Variants in GSG1L observed in about 807,000 individuals in gnomAD.
GSG1L encodes germ cell-specific gene 1-like protein.
Under a neutral mutation model 42.1 loss-of-function variants are expected in GSG1L, and 24 were observed. That is an observed-to-expected ratio of 0.57 (90% CI 0.41 to 0.80). The LOEUF (loss-of-function observed/expected upper bound fraction) is 0.80, where lower values mean the gene tolerates loss of function less well. Ranked by LOEUF, GSG1L falls within the 30% of genes least tolerant of loss-of-function variation. The pLI, the probability that GSG1L is intolerant of heterozygous loss-of-function variation, is 0.00. For synonymous variants in GSG1L, 215 were observed against 203.5 expected (o/e 1.06, Z -0.48); for missense variants, 445 against 472.2 (o/e 0.94, Z 0.53).
At chr16:27,991,440 C>G (rs1175634603) in intron 1 of GSG1L, among the ~76,000 whole-genome samples, 1 of 151,250 alleles carries the variant, frequency 6.6e-6, no homozygotes, top group African/African-American at 2.4e-5. Flanking sequence ...GAGTCTCACT[C>G]TATTGCCCAG....
At chr16:27,856,425 C>A (rs531014651) in intron 3 of GSG1L, among the ~76,000 whole-genome samples, 5 of 152,178 alleles carry the variant, frequency 3.3e-5, no homozygotes, top group Non-Finnish European at 7.4e-5. Context: ...GCGAGCCCCC[C>A]ACCTCAGCCT....
intron 1 of GSG1L, among the ~76,000 whole-genome samples, chr16:28,039,964 C>T (rs779342513): frequency 2.0e-5 from 3 of 152,178 alleles, no homozygotes; most frequent in Non-Finnish European, 2.9e-5. Context: ...GCCCCTCCCT[C>T]GTTTTTCTCC....
At chr16:27,843,244 C>G (rs1215657681) in intron 4 of GSG1L, among the ~76,000 whole-genome samples, 1 of 152,158 alleles carries the variant, frequency 6.6e-6, no homozygotes, top group African/African-American at 2.4e-5. Context: ...GAAGAGACTT[C>G]CCCTACTTCT....
chr16:28,009,162 T>C (rs954551510), intron 1 of GSG1L, among the ~76,000 whole-genome samples: 5 of 152,144 alleles, frequency 3.3e-5, no homozygotes, highest in Non-Finnish European at 7.4e-5. Flanking sequence ...CCATATGAGA[T>C]GCCTGTTCTC....
At chr16:27,980,807 G>C (rs2085316741) in intron 1 of GSG1L, among the ~76,000 whole-genome samples, 1 of 151,818 alleles carries the variant, frequency 6.6e-6, no homozygotes, top group Non-Finnish European at 1.5e-5. Context: ...GCTTGAACCT[G>C]GGAGGCAGAG....
rs960873525 is a variant in GSG1L, at chr16:28,063,041, C to A, written c.349+35G>T. 5.8e-6 allele frequency: 8 copies of A among 1,371,392 alleles called. No individual in the cohort carries two copies. The highest frequency in any genetic ancestry group is 1.5e-5 in the African/African-American group (1 of 65,600). 85.0% of individuals were successfully genotyped at this position (1,371,392 alleles called of 1,614,324 possible). On this transcript the variant is annotated intron_variant, in intron 1 of 6. Transcript: ENST00000447459. The surrounding 1 kb of genome is among the most constrained non-coding windows in gnomAD (Gnocchi z 5.8). ...GATGGCCGCGCCGCCCCGGGGGAGCCGGAGCCGAGCTGGCCGCCGCCCGCG... is the reference window on the plus strand; with the variant it reads ...GATGGCCGCGCCGCCCCGGGGGAGCAGGAGCCGAGCTGGCCGCCGCCCGCG...
chr16:27,981,473 T>C (rs993359876), intron 1 of GSG1L, among the ~76,000 whole-genome samples: 6 of 152,344 alleles, frequency 3.9e-5, no homozygotes, highest in African/African-American at 1.4e-4. Context: ...CTCCTCTCAC[T>C]ATCTGGGCTG....
At chr16:27,879,176 G>A (rs1333345316) in intron 3 of GSG1L, among the ~76,000 whole-genome samples, 2 of 152,174 alleles carry the variant, frequency 1.3e-5, no homozygotes, top group Admixed American at 6.5e-5. Context: ...TCAAAGGAGA[G>A]AGCCTTTATC....
intron 2 of GSG1L, among the ~76,000 whole-genome samples, chr16:27,947,573 G>GAAAGAA (rs2084896057): frequency 1.1e-5 from 1 of 91,938 alleles, no homozygotes; most frequent in Non-Finnish European, 2.6e-5. Context: ...AAGAAAGAAA[G>GAAAGAA]AAAGAAAGAA....
chr16:28,056,847 C>T (rs941316881), intron 1 of GSG1L, among the ~76,000 whole-genome samples: 11 of 151,974 alleles, frequency 7.2e-5, no homozygotes, highest in South Asian at 2.1e-4. Flanking sequence ...GGTATGACCT[C>T]GATCAGAGCA....
At position 27,789,832 on chromosome 16, in the gene GSG1L, GGATGGATGAAGGATGGATGGATGGAT is replaced by G. The variant is rs1432263711; in HGVS notation, c.*1512_*1537del. On this transcript the variant is annotated 3_prime_UTR_variant, in exon 7 of 7. Coordinates refer to ENST00000447459, the MANE Select transcript of GSG1L (RefSeq NM_001109763.2). The stretch of plus-strand genomic sequence containing the variant: ...ATGATGGATGGATGGATGGGTGGAT[GGATGGATGAAGGATGGATGGATGGAT>G]GATGAAGGATGGATGGTTGATGGAC... 6.6e-6 allele frequency: 1 copy of G among 151,370 alleles called. No individual in the cohort carries two copies. The highest frequency in any genetic ancestry group is 1.5e-5 in the Non-Finnish European group (1 of 67,808). 9.4% of individuals were successfully genotyped at this position (151,370 alleles called of 1,614,324 possible).
intron 1 of GSG1L, among the ~76,000 whole-genome samples, chr16:27,967,484 C>T (rs947856635): frequency 6.6e-6 from 1 of 152,200 alleles, no homozygotes; most frequent in Non-Finnish European, 1.5e-5. Context: ...AGATGCAGGA[C>T]TCACACCTTC....
intron 3 of GSG1L, among the ~76,000 whole-genome samples, chr16:27,848,075 A>G (rs1393331623): frequency 6.6e-6 from 1 of 152,158 alleles, no homozygotes; most frequent in African/African-American, 2.4e-5. Context: ...TACCTCATAG[A>G]CTGGTATGAG....
chr16:27,962,007 C>A (rs2085078099), intron 2 of GSG1L, among the ~76,000 whole-genome samples: 1 of 152,176 alleles, frequency 6.6e-6, no homozygotes, highest in African/African-American at 2.4e-5. Flanking sequence ...AGTTTCCCCT[C>A]CCCTGACTCC....
chr16:27,943,566 C>CTTTTTTTTTTTTTTTTTTTTTT (rs11385465), intron 2 of GSG1L, among the ~76,000 whole-genome samples: 2 of 67,720 alleles, frequency 3.0e-5, no homozygotes, highest in Admixed American at 2.4e-4. Context: ...TTCTTTGTTT[C>CTTTTTTTTTTTTTTTTTTTTTT]TTTTTTTTTT....
At chr16:27,886,955 T>C (rs546307581) in intron 2 of GSG1L, among the ~76,000 whole-genome samples, 1 of 152,144 alleles carries the variant, frequency 6.6e-6, no homozygotes, top group South Asian at 2.1e-4. Flanking sequence ...TTCTTTCTTT[T>C]TTTTTTCTTT....
intron 3 of GSG1L, among the ~76,000 whole-genome samples, chr16:27,874,440 C>CTT (rs1455451741): frequency 2.3e-5 from 1 of 42,936 alleles, no homozygotes; most frequent in Admixed American, 4.0e-4. Flanking sequence ...CACAGGAGAG[C>CTT]CTTTTTTTTT....
chr16:27,947,581 GAA>G (rs1374511185), intron 2 of GSG1L, among the ~76,000 whole-genome samples: 2,129 of 103,976 alleles, frequency 0.02, 42 homozygotes, highest in Middle Eastern at 0.04. Flanking sequence ...AAGAAAGAAA[GAA>G]AGAAAGAAAG....
At chr16:27,859,454 A>G (rs1186014191) in intron 3 of GSG1L, among the ~76,000 whole-genome samples, 1 of 152,234 alleles carries the variant, frequency 6.6e-6, no homozygotes, top group Non-Finnish European at 1.5e-5. Flanking sequence ...GAGCTCCATC[A>G]GGGTAAGCAG....
Sources: gnomAD v4.1 joint callset for allele counts (sites outside exome capture counted in the v4.1 genomes callset) on GRCh38, gnomAD v4.1.1 for gene constraint, Gnocchi (gnomAD v3.1) non-coding constraint, MANE v1.5 for transcripts, NCBI Gene and HGNC (gene_info 2026-07-23, HGNC 2026-07-21) for gene names.